FOXN3: variants seen among roughly 807,000 people sequenced by gnomAD.
The protein encoded by FOXN3 is forkhead box N3.
A neutral mutation model predicts 38.4 loss-of-function variants in FOXN3; 7 were observed. The ratio of observed to expected loss-of-function variants is 0.18; its 90% confidence interval spans 0.10 to 0.34. FOXN3 has a LOEUF of 0.34. Ranked by LOEUF, FOXN3 falls within the 10% of genes least tolerant of loss-of-function variation. The pLI, the probability that FOXN3 is intolerant of heterozygous loss-of-function variation, is 1.00. For missense variants in FOXN3, 456 were observed against 613.4 expected (o/e 0.74, Z 2.71); for synonymous variants, 230 against 242.2 (o/e 0.95, Z 0.47).
intron 2 of FOXN3, among the ~76,000 whole-genome samples, chr14:89,404,202 C>G (rs17775679): frequency 0.062 from 9,430 of 152,130 alleles, 401 homozygotes; most frequent in Middle Eastern, 0.11. Flanking sequence ...AACGAACAGT[C>G]TGGAAGGAAC....
At chr14:89,564,229 T>C (rs1287717651) in intron 1 of FOXN3, among the ~76,000 whole-genome samples, 1 of 152,062 alleles carries the variant, frequency 6.6e-6, no homozygotes, top group African/African-American at 2.4e-5. Flanking sequence ...GATTACTAAA[T>C]ATACAATAAA....
intron 4 of FOXN3, among the ~76,000 whole-genome samples, chr14:89,244,588 G>T (rs1468481727): frequency 6.6e-6 from 1 of 152,136 alleles, no homozygotes; most frequent in Non-Finnish European, 1.5e-5. Context: ...TTCAGGATAA[G>T]ACCAGTATAA....
intron 1 of FOXN3, among the ~76,000 whole-genome samples, chr14:89,438,341 G>A (rs534940583): frequency 2.0e-5 from 3 of 152,278 alleles, no homozygotes; most frequent in Admixed American, 6.5e-5. Flanking sequence ...AAAATCTGAC[G>A]CCTTATATAT....
rs530463007 is a variant in FOXN3, at chr14:89,161,600, T to TGTGC, written c.*813_*814insGCAC. On this transcript the variant is annotated 3_prime_UTR_variant, in exon 6 of 6. Coordinates refer to ENST00000557258, the MANE Select transcript of FOXN3 (RefSeq NM_005197.4). ...GTGTGTGTGTGTGTGTGTGTGTGCG[T>TGTGC]GCGTGCACAGGGCCAATCTTCAGGC... 4.9e-4 allele frequency: 72 copies of TGTGC among 147,526 alleles called. No homozygotes were observed. The highest frequency in any genetic ancestry group is 3.5e-4 in the African/African-American group (14 of 39,500). 9.1% of individuals were successfully genotyped at this position (147,526 alleles called of 1,614,324 possible). A position where few individuals can be genotyped will look rare whatever the true frequency, so the allele number is the denominator to read the frequency against.
At chr14:89,490,033 CCCCT>C (rs1416295224) in intron 1 of FOXN3, among the ~76,000 whole-genome samples, 1 of 152,218 alleles carries the variant, frequency 6.6e-6, no homozygotes, top group Admixed American at 6.5e-5. Context: ...CAGCCACATT[CCCCT>C]CCCTGTCTGC....
chr14:89,477,862 A>G (rs1226212439), intron 1 of FOXN3, among the ~76,000 whole-genome samples: 1 of 151,938 alleles, frequency 6.6e-6, no homozygotes, highest in African/African-American at 2.4e-5. Context: ...GTTGATGAGA[A>G]CAACAGGAGA....
chr14:89,513,517 G>C (rs570687695), intron 1 of FOXN3, among the ~76,000 whole-genome samples: 2 of 152,158 alleles, frequency 1.3e-5, no homozygotes, highest in Admixed American at 1.3e-4. Context: ...TGGGATTACA[G>C]ACATGAGATG....
At chr14:89,309,669 G>A (rs1887474787) in intron 3 of FOXN3, among the ~76,000 whole-genome samples, 1 of 152,186 alleles carries the variant, frequency 6.6e-6, no homozygotes, top group African/African-American at 2.4e-5. Context: ...CCCTTCCACA[G>A]CCAGCCAAGG....
At chr14:89,545,534 C>T (rs1596313242) in intron 1 of FOXN3, among the ~76,000 whole-genome samples, 1 of 152,198 alleles carries the variant, frequency 6.6e-6, no homozygotes, top group South Asian at 2.1e-4. Context: ...CATTACACAT[C>T]CATTACACCG....
At chr14:89,283,873 G>A (rs1345993419) in intron 3 of FOXN3, among the ~76,000 whole-genome samples, 2 of 152,146 alleles carry the variant, frequency 1.3e-5, no homozygotes, top group East Asian at 1.9e-4. Context: ...TTTTTTGGGG[G>A]GTTTTTTGAC....
Position 89,279,959 on chromosome 14 carries a change from C to G in FOXN3, c.745+991G>C, listed in dbSNP as rs191804170. Among the ~76,000 whole-genome samples, 153 of 152,294 alleles carry G rather than the reference C, an allele frequency of 1.0e-3. 1 individual carries two copies. The highest frequency in any genetic ancestry group is 3.6e-3 in the African/African-American group (149 of 41,572). On this transcript the variant is annotated intron_variant, in intron 4 of 5. Transcript: ENST00000557258. ...TACTCCTTCACACACAGGGCCGGCC[C>G]TCAGCCTCTACTTCTAAGGGAAAGA...
At chr14:89,172,282 T>C (rs148566735) in intron 5 of FOXN3, among the ~76,000 whole-genome samples, 9 of 152,260 alleles carry the variant, frequency 5.9e-5, no homozygotes, top group African/African-American at 2.2e-4. Context: ...AGAGTCAGGG[T>C]CTCACTATGT....
intron 5 of FOXN3, among the ~76,000 whole-genome samples, chr14:89,177,881 T>C (rs568746719): frequency 7.2e-5 from 11 of 152,216 alleles, no homozygotes; most frequent in Admixed American, 6.5e-4. Context: ...CCTCTTCCCT[T>C]TGTTCCGTCA....
At chr14:89,394,598 G>A (rs1891056174) in intron 2 of FOXN3, among the ~76,000 whole-genome samples, 1 of 152,218 alleles carries the variant, frequency 6.6e-6, no homozygotes, top group Non-Finnish European at 1.5e-5. Flanking sequence ...ACATCATCAA[G>A]AGAAGTGTAC....
At position 89,544,801 on chromosome 14, in the gene FOXN3, AC is replaced by A. The variant is rs766305121; in HGVS notation, c.-15+74226del. Among the ~76,000 whole-genome samples, 5 of 152,180 alleles carry A rather than the reference AC, an allele frequency of 3.3e-5. 1 individual carries two copies. The East Asian group carries it at 9.6e-4, about 29-fold the overall frequency. ...AGTATATACAGTGTAGAAATGCTAG[AC>A]AAAGGGATGATTCATGCACCGGGCA... On this transcript the variant is annotated intron_variant, in intron 1 of 6. Transcript: ENST00000345097.
At chr14:89,210,134 T>C (rs1405106950) in intron 4 of FOXN3, among the ~76,000 whole-genome samples, 3 of 152,206 alleles carry the variant, frequency 2.0e-5, no homozygotes, top group Non-Finnish European at 2.9e-5. Flanking sequence ...AAATCTCATG[T>C]TCAGTTGTAA....
chr14:89,479,126 T>C (rs899367630), intron 1 of FOXN3, among the ~76,000 whole-genome samples: 1 of 152,018 alleles, frequency 6.6e-6, no homozygotes, highest in Non-Finnish European at 1.5e-5. Context: ...AGCCTCACCC[T>C]GGCATCCACT....
chr14:89,363,947 AATATATATATATATATATATATATAT>A lies in FOXN3; in HGVS notation c.544-13165_544-13140del, dbSNP rs67802765. 2.4e-4 allele frequency among the ~76,000 whole-genome samples: 27 copies of A among 111,366 alleles called. No individual in the cohort carries two copies. The South Asian group carries it at 3.3e-3, about 13-fold the overall frequency. The allele number at this position is 111,366 out of a possible 152,430, so 73.1% of individuals were successfully genotyped here. ...TAACTGAGCAAGACCCTGTCTGTAAAATATATATATATATATATATATATATATATATATATATATAATATATATAT... is the reference window on the plus strand; with the variant it reads ...TAACTGAGCAAGACCCTGTCTGTAAAATATATATATATATAATATATATAT... On this transcript the variant is annotated intron_variant, in intron 2 of 5. Coordinates refer to ENST00000557258, the MANE Select transcript of FOXN3 (RefSeq NM_005197.4).
intron 3 of FOXN3, among the ~76,000 whole-genome samples, chr14:89,286,651 T>A (rs2139926244): frequency 6.6e-6 from 1 of 152,300 alleles, no homozygotes; most frequent in Middle Eastern, 3.4e-3. Context: ...ATTCCATTGT[T>A]TTGCCTTATA....
Sources: allele counts gnomAD v4.1 joint callset (sites outside exome capture counted in the v4.1 genomes callset), GRCh38; gene constraint gnomAD v4.1.1; transcripts MANE v1.5; gene names NCBI Gene and HGNC (gene_info 2026-07-23, HGNC 2026-07-21).